Variants in ADRA1A observed in about 807,000 individuals in gnomAD.
ADRA1A encodes adrenoceptor alpha 1A, also known as alpha-1A adrenergic receptor.
ADRA1A carries 31 observed loss-of-function variants against 29.6 expected under a neutral mutation model. The ratio of observed to expected loss-of-function variants is 1.05; its 90% confidence interval spans 0.79 to 1.41. The LOEUF is 1.41. ADRA1A is among the 40% of genes most tolerant of loss of function. The probability of loss-of-function intolerance (pLI) is 0.00; values close to 1 mark genes in which losing one functional copy is unlikely to be tolerated. For synonymous variants in ADRA1A, 311 were observed against 254.3 expected (o/e 1.22, Z -2.12); for missense variants, 619 against 601.1 (o/e 1.03, Z -0.31).
intron 2 of ADRA1A, among the ~76,000 whole-genome samples, chr8:26,808,184 T>C (rs142300457): frequency 9.1e-4 from 138 of 152,336 alleles, no homozygotes; most frequent in Non-Finnish European, 1.5e-3. Context: ...ATATAAGAAG[T>C]ATGTCTATAT....
intron 2 of ADRA1A, chr8:26,757,136 G>A (rs1015998720): frequency 2.8e-6 from 2 of 702,426 alleles, no homozygotes; most frequent in Non-Finnish European, 5.2e-6. Context: ...AATAGCCATA[G>A]ACTGTGTTTA....
chr8:26,833,331 C>A (rs1327573801), intron 2 of ADRA1A, among the ~76,000 whole-genome samples: 1 of 152,076 alleles, frequency 6.6e-6, no homozygotes, highest in Non-Finnish European at 1.5e-5. Flanking sequence ...ACTCTGACTG[C>A]CTTCTATTTT....
intron 2 of ADRA1A, among the ~76,000 whole-genome samples, chr8:26,811,045 C>A (rs1281288404): frequency 6.6e-6 from 1 of 152,192 alleles, no homozygotes; most frequent in Admixed American, 6.5e-5. Context: ...CCATACAAGA[C>A]ATGGTTTATC....
Position 26,783,909 on chromosome 8 carries a change from A to C in ADRA1A, c.884-13243T>G, listed in dbSNP as rs369266066. Among the ~76,000 whole-genome samples the C allele has an allele frequency of 7.9e-5, 12 of 152,304 alleles. 1 individual carries two copies. The East Asian group carries it at 1.7e-3, about 22-fold the overall frequency. ...ATGGTTGGAGTTGGAACCTGTTATC[A>C]TCAGCAAACTAACGCAGGAACAGAA... On this transcript the variant is annotated intron_variant, in intron 2 of 2. Transcript: ENST00000380573.
chr8:26,830,130 T>C (rs1023563878), intron 2 of ADRA1A, among the ~76,000 whole-genome samples: 17 of 152,180 alleles, frequency 1.1e-4, no homozygotes, highest in African/African-American at 3.9e-4. Context: ...CCCAAAACTG[T>C]TAATGTATCA....
chr8:26,842,612 C>T (rs1038163530), intron 2 of ADRA1A, among the ~76,000 whole-genome samples: 1 of 152,152 alleles, frequency 6.6e-6, no homozygotes, highest in African/African-American at 2.4e-5. Context: ...CTCACTTCAA[C>T]ACACCTTGCG....
intron 2 of ADRA1A, among the ~76,000 whole-genome samples, chr8:26,771,568 G>C (rs141663161): frequency 1.3e-5 from 2 of 152,346 alleles, no homozygotes; most frequent in Non-Finnish European, 1.5e-5. Context: ...AGGGCATTTC[G>C]CAGCAGAAGA....
chr8:26,846,251 T>C (rs523851), intron 2 of ADRA1A, among the ~76,000 whole-genome samples: 68,598 of 151,878 alleles, frequency 0.45, 16,035 homozygotes, highest in Non-Finnish European at 0.52. Flanking sequence ...ATAATAATAA[T>C]TGATGTCTGC....
At position 26,796,636 on chromosome 8, in the gene ADRA1A, A is replaced by G. The variant is rs1808210104; in HGVS notation, c.884-25970T>C. 6.6e-6 allele frequency among the ~76,000 whole-genome samples: 1 copy of G among 152,142 alleles called. No individual in the cohort carries two copies. The highest frequency in any genetic ancestry group is 6.6e-5 in the Admixed American group (1 of 15,254). Reference sequence around the variant, plus strand: ...CAGAGAACAGACACCATGGGGACATATGAGACAGTGGAGTGGAGGGTATTT... The same window carrying G: ...CAGAGAACAGACACCATGGGGACATGTGAGACAGTGGAGTGGAGGGTATTT... On this transcript the variant is annotated intron_variant, in intron 2 of 2. Transcript: ENST00000380573. The surrounding 1 kb of genome is among the most constrained non-coding windows in gnomAD (Gnocchi z 5.0).
exon 3 of ADRA1A, chr8:26,748,537 G>A (rs1265279303): frequency 3.3e-5 from 11 of 333,484 alleles, no homozygotes; most frequent in African/African-American, 2.0e-4. Context: ...TCAAGAGATC[G>A]AGATCATCCT....
In ADRA1A at chr8:26,864,049, A is replaced by T. The variant is rs753269509; in HGVS notation, c.883+38T>A. On this transcript the variant is annotated intron_variant, in intron 2 of 2. Transcript: ENST00000380573. The surrounding 1 kb of genome is among the most constrained non-coding windows in gnomAD (Gnocchi z 8.1). ...GTAACAGAAGCCGAGGAGGGTGAAG[A>T]CCCCCAGATGCTAAAGTGAGGGGTG... 10 of 1,565,820 alleles carry T rather than the reference A, an allele frequency of 6.4e-6. No homozygotes were observed. Among genetic ancestry groups the T allele is most frequent in the Non-Finnish European group, 8.6e-6 (10 of 1,158,250 alleles).
rs549049644 is a variant in ADRA1A at position 26,769,710 on chromosome 8, A to G, written c.*439T>C. The G allele has an allele frequency of 1.0e-6, 1 of 987,968 alleles. No homozygotes were observed. The highest frequency in any genetic ancestry group is 4.7e-5 in the South Asian group (1 of 21,340). 61.2% of individuals were successfully genotyped at this position (987,968 alleles called of 1,614,324 possible). ...TCCTCTCTAGGCCCTCTCCCCATAA[A>G]TGTCAAATGTGGCTGTCAGTAGGTT... On this transcript the variant is annotated 3_prime_UTR_variant, in exon 3 of 3. Coordinates refer to ENST00000380573, the MANE Select transcript of ADRA1A (RefSeq NM_000680.4).
At chr8:26,859,302 C>T (rs566109416) in intron 2 of ADRA1A, 11 of 771,004 alleles carry the variant, frequency 1.4e-5, no homozygotes, top group South Asian at 8.4e-5. Context: ...TATAACATCT[C>T]GTTGACGACC....
At chr8:26,765,487 T>C (rs1459569854), downstream of ADRA1A, among the ~76,000 whole-genome samples, 3 of 152,170 alleles carry the variant, frequency 2.0e-5, no homozygotes, top group African/African-American at 7.2e-5. Flanking sequence ...TCAGCCCAGC[T>C]CCCCAGCACA....
intron 2 of ADRA1A, among the ~76,000 whole-genome samples, chr8:26,822,247 G>T (rs2130600884): frequency 6.6e-6 from 1 of 152,322 alleles, no homozygotes; most frequent in African/African-American, 2.4e-5. Context: ...CTTTTGAGTT[G>T]TATGTGTCTT....
Position 26,837,650 on chromosome 8 carries a change from C to CAAAAA in ADRA1A, c.883+26432_883+26436dup, listed in dbSNP as rs372072664. On this transcript the variant is annotated intron_variant, in intron 2 of 2. Coordinates refer to ENST00000380573, the MANE Select transcript of ADRA1A (RefSeq NM_000680.4). Reference sequence around the variant, plus strand: ...TGGGTGACAGAGAGAGACTCTGTCTCAAAAAAAAAAAAAAAGTGTACAGTA... The same window carrying CAAAAA: ...TGGGTGACAGAGAGAGACTCTGTCTCAAAAAAAAAAAAAAAAAAAAGTGTACAGTA... 7.5e-3 allele frequency among the ~76,000 whole-genome samples: 964 copies of CAAAAA among 128,554 alleles called. 21 individuals are homozygous for CAAAAA. The highest frequency in any genetic ancestry group is 0.027 in the African/African-American group (921 of 33,942). The allele number at this position is 128,554 out of a possible 152,430, so 84.3% of individuals were successfully genotyped here.
chr8:26,768,831 C>A lies in ADRA1A; in HGVS notation c.*1318G>T, dbSNP rs61759739. ...TTCTGTACTGAGTTATTATGGTTTA[C>A]CAAAATTTGGTATACATAAAGCAAA... On this transcript the variant is annotated 3_prime_UTR_variant, in exon 3 of 3. Transcript: ENST00000380573. 1.1e-6 allele frequency: 1 copy of A among 934,786 alleles called. No homozygotes were observed. The highest frequency in any genetic ancestry group is 1.8e-5 in the African/African-American group (1 of 56,180). 57.9% of individuals were successfully genotyped at this position (934,786 alleles called of 1,614,324 possible). A position where few individuals can be genotyped will look rare whatever the true frequency, so the allele number is the denominator to read the frequency against.
rs57750998 is a variant in ADRA1A, at chr8:26,842,866, T to TACACACACAC, written c.883+21211_883+21220dup. On this transcript the variant is annotated intron_variant, in intron 2 of 2. Coordinates refer to ENST00000380573, the MANE Select transcript of ADRA1A (RefSeq NM_000680.4). ...CTCTCTCTCTCCCTCTCTCTCTTTCTACACACACACACACACACACACACA... is the reference window on the plus strand; with the variant it reads ...CTCTCTCTCTCCCTCTCTCTCTTTCTACACACACACACACACACACACACACACACACACA... 2.6e-3 allele frequency among the ~76,000 whole-genome samples: 375 copies of TACACACACAC among 142,738 alleles called. 2 individuals are homozygous for TACACACACAC. Among genetic ancestry groups the TACACACACAC allele is most frequent in the Middle Eastern group, 0.01 (3 of 286 alleles). The allele number at this position is 142,738 out of a possible 152,430, so 93.6% of individuals were successfully genotyped here. A position where few individuals can be genotyped will look rare whatever the true frequency, so the allele number is the denominator to read the frequency against.
intron 2 of ADRA1A, among the ~76,000 whole-genome samples, chr8:26,849,486 T>G (rs1428585700): frequency 6.6e-6 from 1 of 152,202 alleles, no homozygotes; most frequent in Non-Finnish European, 1.5e-5. Context: ...AGAAACAGCC[T>G]TTGCTGTGCA....
Sources: allele counts gnomAD v4.1 joint callset (sites outside exome capture counted in the v4.1 genomes callset), GRCh38; gene constraint gnomAD v4.1.1; non-coding constraint Gnocchi (gnomAD v3.1); transcripts MANE v1.5; gene names NCBI Gene and HGNC (gene_info 2026-07-23, HGNC 2026-07-21).